Variants in DCC observed in about 807,000 individuals in gnomAD.
DCC encodes the protein DCC netrin 1 receptor.
Under a neutral mutation model 172.5 loss-of-function variants are expected in DCC, and 58 were observed. That is an observed-to-expected ratio of 0.34 (90% CI 0.27 to 0.42). The LOEUF is 0.42. DCC is among the 10% of genes least tolerant of loss of function. The probability of loss-of-function intolerance (pLI) is 1.00; values close to 1 mark genes in which losing one functional copy is unlikely to be tolerated. For synonymous variants in DCC, 709 were observed against 644.5 expected, an observed-to-expected ratio of 1.10 and a Z score of -1.52; for missense variants, 1,740 against 1,791.0, an observed-to-expected ratio of 0.97 and a Z score of 0.51.
rs549465920 is a variant in DCC at position 53,073,977 on chromosome 18, AGATTCAGTGT to A, written c.1261+7814_1261+7823del. Among the ~76,000 whole-genome samples, 45 of 151,898 alleles carry A rather than the reference AGATTCAGTGT, an allele frequency of 3.0e-4. 1 individual carries two copies. Among genetic ancestry groups the A allele is most frequent in the Non-Finnish European group, 5.9e-4 (40 of 67,982 alleles). On this transcript the variant is annotated intron_variant, in intron 7 of 28. Transcript: ENST00000442544. Reference sequence around the variant, plus strand: ...TGATTCTGACATACTAACTTCACTGAGATTCAGTGTGAAGCAATGAACATTGAATAATTAG... The same window carrying A: ...TGATTCTGACATACTAACTTCACTGAGAAGCAATGAACATTGAATAATTAG...
At chr18:52,535,911 G>A (rs1408657752) in intron 1 of DCC, among the ~76,000 whole-genome samples, 1 of 152,152 alleles carries the variant, frequency 6.6e-6, no homozygotes, top group African/African-American at 2.4e-5. Context: ...GGCTGTAAGA[G>A]AGTTTGTTCA....
chr18:53,432,975 C>G (rs1366440922), intron 21 of DCC, among the ~76,000 whole-genome samples: 2 of 152,030 alleles, frequency 1.3e-5, no homozygotes, highest in African/African-American at 2.4e-5. Context: ...TAAATCTAAA[C>G]TTGCTCGTTG....
At chr18:53,179,258 G>T (rs1254958991) in intron 9 of DCC, 142 bp downstream of exon 9, 1 of 829,728 alleles carries the variant, frequency 1.2e-6, no homozygotes, top group Non-Finnish European at 1.9e-6. Context: ...TATAACTCGA[G>T]GACTTTTAAA....
chr18:53,030,183 G>T (rs1431851493), intron 5 of DCC, among the ~76,000 whole-genome samples: 1 of 152,176 alleles, frequency 6.6e-6, no homozygotes, highest in Non-Finnish European at 1.5e-5. Context: ...TAGGCTTTCA[G>T]CCAATTATTA....
chr18:53,057,761 C>A (rs1300773695), intron 5 of DCC, among the ~76,000 whole-genome samples: 3 of 151,990 alleles, frequency 2.0e-5, no homozygotes, highest in Non-Finnish European at 4.4e-5. Flanking sequence ...TTGCTGCCAA[C>A]CAAAAAGCCT....
chr18:53,161,497 T>C (rs1022529216), intron 8 of DCC, among the ~76,000 whole-genome samples: 3 of 152,218 alleles, frequency 2.0e-5, no homozygotes, highest in African/African-American at 7.2e-5. Flanking sequence ...CTTGACTTTA[T>C]ATTCTGTGAA....
At chr18:52,479,594 T>A (rs1362149090) in intron 1 of DCC, among the ~76,000 whole-genome samples, 2 of 88,904 alleles carry the variant, frequency 2.2e-5, no homozygotes, top group Non-Finnish European at 4.4e-5. Flanking sequence ...CCCCCCCGTC[T>A]CCCTTCCTCT....
At chr18:53,369,263 A>AT (rs1488810718) in intron 15 of DCC, among the ~76,000 whole-genome samples, 2 of 151,802 alleles carry the variant, frequency 1.3e-5, no homozygotes, top group Non-Finnish European at 2.9e-5. Flanking sequence ...AACACAACTG[A>AT]TTTTTTGTGT....
intron 2 of DCC, among the ~76,000 whole-genome samples, chr18:52,873,388 C>T (rs529456499): frequency 1.3e-5 from 2 of 152,298 alleles, no homozygotes; most frequent in Non-Finnish European, 2.9e-5. Flanking sequence ...GAAATACAGA[C>T]ATATCAGTCA....
At chr18:52,811,363 G>A (rs1314095224) in intron 2 of DCC, among the ~76,000 whole-genome samples, 1 of 152,134 alleles carries the variant, frequency 6.6e-6, no homozygotes, top group Admixed American at 6.5e-5. Context: ...TTAACTATGA[G>A]GATGAGCTAA....
intron 24 of DCC, among the ~76,000 whole-genome samples, chr18:53,467,354 TG>T (rs1013760773): frequency 1.3e-5 from 2 of 152,174 alleles, no homozygotes; most frequent in African/African-American, 4.8e-5. Flanking sequence ...TGATATTTTA[TG>T]GAATCCTAAT....
intron 1 of DCC, among the ~76,000 whole-genome samples, chr18:52,687,012 G>A (rs1430127386): frequency 1.3e-5 from 2 of 151,916 alleles, no homozygotes; most frequent in African/African-American, 4.8e-5. Flanking sequence ...TACTCCTTAG[G>A]TTGATCATCA....
At chr18:53,154,059 G>C (rs1200351736) in intron 7 of DCC, among the ~76,000 whole-genome samples, 2 of 152,132 alleles carry the variant, frequency 1.3e-5, no homozygotes, top group African/African-American at 2.4e-5. Flanking sequence ...CTTGCTGTAG[G>C]AACACACTAG....
intron 12 of DCC, among the ~76,000 whole-genome samples, chr18:53,219,234 T>C (rs1440455435): frequency 2.0e-5 from 3 of 152,192 alleles, no homozygotes; most frequent in Admixed American, 6.6e-5. Flanking sequence ...CATTATTTTC[T>C]CATTTTAAAA....
chr18:52,902,063 T>C (rs1321426281), intron 2 of DCC, among the ~76,000 whole-genome samples: 1 of 152,168 alleles, frequency 6.6e-6, no homozygotes, highest in Admixed American at 6.6e-5. Context: ...GCAGAGAGCG[T>C]GTTCCTTTTC....
chr18:53,172,995 A>G (rs576221249), intron 8 of DCC, among the ~76,000 whole-genome samples: 115 of 152,274 alleles, frequency 7.6e-4, no homozygotes, highest in Non-Finnish European at 1.5e-3. Context: ...TCAGTAAGGT[A>G]CCTGAGGCAC....
At chr18:52,785,372 A>G (rs2037636441) in intron 2 of DCC, among the ~76,000 whole-genome samples, 1 of 152,036 alleles carries the variant, frequency 6.6e-6, no homozygotes, top group Non-Finnish European at 1.5e-5. Flanking sequence ...GCTTTTCATT[A>G]AAGAGAAAAG....
intron 1 of DCC, among the ~76,000 whole-genome samples, chr18:52,737,430 AG>A (rs1482482997): frequency 6.6e-6 from 1 of 152,212 alleles, no homozygotes; most frequent in Non-Finnish European, 1.5e-5. Context: ...AGAAAACCAA[AG>A]AAATCTTCAT....
intron 25 of DCC, among the ~76,000 whole-genome samples, chr18:53,479,057 C>A (rs543375191): frequency 2.0e-5 from 3 of 152,350 alleles, no homozygotes; most frequent in East Asian, 3.9e-4. Context: ...ACCAAGAATT[C>A]TTTCCTAGGA....
Sources: allele counts gnomAD v4.1 joint callset (sites outside exome capture counted in the v4.1 genomes callset), GRCh38; gene constraint gnomAD v4.1.1; transcripts MANE v1.5; gene names NCBI Gene and HGNC (gene_info 2026-07-23, HGNC 2026-07-21).